The following TMTC1 variants were observed in gnomAD, a reference collection of about 807,000 sequenced individuals.
TMTC1 encodes transmembrane O-mannosyltransferase targeting cadherins 1.
In TMTC1, 73 loss-of-function variants were observed where a neutral mutation model predicts 104.8. The ratio of observed to expected loss-of-function variants is 0.70; its 90% confidence interval spans 0.58 to 0.85. The LOEUF is 0.85. Among genes scored for constraint, TMTC1 ranks in the 40% least tolerant of loss-of-function variants. The pLI, the probability that TMTC1 is intolerant of heterozygous loss-of-function variation, is 0.00. For missense variants in TMTC1, 1,035 were observed against 1,096.1 expected (o/e 0.94, Z 0.79); for synonymous variants, 434 against 428.7 (o/e 1.01, Z -0.15).
chr12:29,576,556 A>G (rs1319167716), intron 8 of TMTC1, among the ~76,000 whole-genome samples: 1 of 152,188 alleles, frequency 6.6e-6, no homozygotes, highest in African/African-American at 2.4e-5. Flanking sequence ...GATCTTACCT[A>G]TATGTGAAAT....
intron 6 of TMTC1, among the ~76,000 whole-genome samples, chr12:29,631,289 G>A (rs1938284177): frequency 6.6e-6 from 1 of 151,996 alleles, no homozygotes; most frequent in African/African-American, 2.4e-5. Flanking sequence ...TTCTTTTACA[G>A]TTTTCACATT....
rs1200120335 is a variant in TMTC1, at chr12:29,503,614, T to C, written c.*3232A>G. The C allele has an allele frequency of 1.3e-5, 2 of 152,004 alleles. No homozygotes were observed. Among genetic ancestry groups the C allele is most frequent in the Non-Finnish European group, 2.9e-5 (2 of 68,010 alleles). The allele number at this position is 152,004 out of a possible 1,614,324, so 9.4% of individuals were successfully genotyped here. On this transcript the variant is annotated 3_prime_UTR_variant, in exon 18 of 18. Transcript: ENST00000539277. ...AACTCTAAATGTAGCTGGAAAAAAA[T>C]AGCAAATCTGTTCAGAGTAACACAA...
chr12:29,562,091 A>C (rs965352384), intron 9 of TMTC1, among the ~76,000 whole-genome samples: 2 of 152,220 alleles, frequency 1.3e-5, no homozygotes, highest in South Asian at 2.1e-4. Context: ...CATGTTATGA[A>C]ATTTAAGTCC....
At chr12:29,683,533 C>T (rs143178408) in intron 5 of TMTC1, among the ~76,000 whole-genome samples, 276 of 152,288 alleles carry the variant, frequency 1.8e-3, no homozygotes, top group African/African-American at 5.8e-3. Context: ...TGTGTGTCTA[C>T]GTGTGTATAC....
At chr12:29,717,397 C>T (rs1942114678) in intron 5 of TMTC1, among the ~76,000 whole-genome samples, 1 of 152,096 alleles carries the variant, frequency 6.6e-6, no homozygotes, top group African/African-American at 2.4e-5. Flanking sequence ...TGAAATCCAC[C>T]CGGTCTAAAT....
At chr12:29,568,473 C>G (rs908840595) in intron 9 of TMTC1, among the ~76,000 whole-genome samples, 1 of 152,184 alleles carries the variant, frequency 6.6e-6, no homozygotes, top group Non-Finnish European at 1.5e-5. Context: ...TTTAAATTTT[C>G]ATTCCAGTTT....
intron 5 of TMTC1, among the ~76,000 whole-genome samples, chr12:29,682,534 A>G (rs1940956146): frequency 6.6e-6 from 1 of 152,240 alleles, no homozygotes; most frequent in Non-Finnish European, 1.5e-5. Flanking sequence ...TAAACAAACT[A>G]TAGTACATCT....
At chr12:29,540,064 T>G (rs1448343279) in intron 10 of TMTC1, among the ~76,000 whole-genome samples, 3 of 152,170 alleles carry the variant, frequency 2.0e-5, no homozygotes, top group African/African-American at 7.2e-5. Flanking sequence ...AGTTTTTTTT[T>G]CTATCATCAT....
At chr12:29,749,069 A>C (rs1943026104) in intron 5 of TMTC1, among the ~76,000 whole-genome samples, 1 of 152,178 alleles carries the variant, frequency 6.6e-6, no homozygotes, top group Non-Finnish European at 1.5e-5. Flanking sequence ...GCAATCAGCC[A>C]CAGTGGGAGT....
At chr12:29,598,941 C>T (rs1946482514) in intron 7 of TMTC1, among the ~76,000 whole-genome samples, 1 of 152,168 alleles carries the variant, frequency 6.6e-6, no homozygotes, top group South Asian at 2.1e-4. Context: ...CATTCTTGAT[C>T]AGTTGTATCC....
chr12:29,766,954 C>CT (rs34235668), intron 2 of TMTC1, among the ~76,000 whole-genome samples: 59,765 of 147,382 alleles, frequency 0.41, 12,466 homozygotes, highest in East Asian at 0.63. Context: ...GCTATCAATA[C>CT]TTTTTTTTTT....
chr12:29,658,025 G>A (rs548067122), intron 5 of TMTC1, among the ~76,000 whole-genome samples: 6 of 152,100 alleles, frequency 3.9e-5, no homozygotes, highest in African/African-American at 7.2e-5. Flanking sequence ...CCAGGGAGGC[G>A]GAGGTTGCAG....
intron 9 of TMTC1, among the ~76,000 whole-genome samples, chr12:29,571,534 T>C (rs1443016250): frequency 6.6e-6 from 1 of 151,764 alleles, no homozygotes; most frequent in Non-Finnish European, 1.5e-5. Context: ...TGTATAGTAT[T>C]CTCTCTTCCA....
chr12:29,772,300 C>T (rs4931220), intron 1 of TMTC1, among the ~76,000 whole-genome samples: 1 of 151,978 alleles, frequency 6.6e-6, no homozygotes, highest in South Asian at 2.1e-4. Context: ...TTGCCATAGT[C>T]TCTACCAATT....
chr12:29,663,341 T>A (rs571625197), intron 5 of TMTC1, among the ~76,000 whole-genome samples: 37 of 152,242 alleles, frequency 2.4e-4, no homozygotes, highest in African/African-American at 8.9e-4. Context: ...TGGGGAGGGC[T>A]GGAGAAGTAA....
At chr12:29,539,784 C>T (rs1314351436) in intron 10 of TMTC1, among the ~76,000 whole-genome samples, 1 of 152,184 alleles carries the variant, frequency 6.6e-6, no homozygotes, top group Non-Finnish European at 1.5e-5. Context: ...TGGATAGACT[C>T]CAACCTCAAT....
intron 5 of TMTC1, among the ~76,000 whole-genome samples, chr12:29,690,857 A>G (rs1941245389): frequency 6.6e-6 from 1 of 152,260 alleles, no homozygotes; most frequent in African/African-American, 2.4e-5. Flanking sequence ...TTAGTGATGA[A>G]ACTGCCTTTG....
chr12:29,520,831 T>A, intron 11 of TMTC1, 111 bp from the exon 12 acceptor site: 1 of 782,092 alleles, frequency 1.3e-6, no homozygotes, highest in Non-Finnish European at 2.0e-6. Context: ...ACTAAGCACC[T>A]AATATACAAC....
At chr12:29,557,112 T>G in intron 9 of TMTC1, 112 bp from the exon 10 acceptor site, 1 of 1,198,820 alleles carries the variant, frequency 8.3e-7, no homozygotes, top group Non-Finnish European at 1.2e-6. Context: ...CACTGAATTA[T>G]TCTTGTACTT....
Sources: gnomAD v4.1 joint callset for allele counts (sites outside exome capture counted in the v4.1 genomes callset) on GRCh38, gnomAD v4.1.1 for gene constraint, MANE v1.5 for transcripts, NCBI Gene and HGNC (gene_info 2026-07-23, HGNC 2026-07-21) for gene names.